MREG: variants seen among roughly 807,000 people sequenced by gnomAD.
MREG encodes the protein dilute suppressor protein homolog.
MREG carries 31 observed loss-of-function variants against 28.5 expected under a neutral mutation model. The observed-to-expected ratio is 1.09, with a 90% CI of 0.82 to 1.47. The LOEUF (loss-of-function observed/expected upper bound fraction) is 1.47, where lower values mean the gene tolerates loss of function less well. Ranked by LOEUF, MREG falls within the 40% of genes most tolerant of loss-of-function variation. The pLI, the probability that MREG is intolerant of heterozygous loss-of-function variation, is 0.00. For synonymous variants in MREG, 106 were observed against 95.2 expected (o/e 1.11, Z -0.66); for missense variants, 256 against 257.4 (o/e 0.99, Z 0.04).
Position 215,945,623 on chromosome 2 carries a change from G to C in MREG, c.458C>G (p.Thr153Ser), listed in dbSNP as rs1465931040. The change falls in exon 4 of 5, where the codon ACC becomes AGC. Residue 153 changes from threonine (T) to serine (S), a missense_variant. Thr to Ser is a moderately conservative substitution (Grantham distance 58). Coordinates refer to ENST00000263268, the MANE Select transcript of MREG (RefSeq NM_018000.3). ...REMLLKLAEETNIFPTSWELS... is the reference protein window; with the variant it reads ...REMLLKLAEESNIFPTSWELS... Reference sequence around the variant, plus strand: ...CTCCCAACTTGTTGGGAAAATATTGGTTTCTTCAGCCAGTTTTAACAACAT... The same window carrying C: ...CTCCCAACTTGTTGGGAAAATATTGCTTTCTTCAGCCAGTTTTAACAACAT... 1 of 1,613,824 alleles carries C rather than the reference G, an allele frequency of 6.2e-7. No individual in the cohort carries two copies. The highest frequency in any genetic ancestry group is 8.5e-7 in the Non-Finnish European group (1 of 1,179,862).
At chr2:216,030,927 TTCTCTC>T (rs113417580) in intron 1 of MREG, among the ~76,000 whole-genome samples, 8,656 of 130,426 alleles carry the variant, frequency 0.066, 352 homozygotes, top group South Asian at 0.16. Flanking sequence ...ATGAGGCCCA[TTCTCTC>T]TCTCTCTCTC....
intron 1 of MREG, among the ~76,000 whole-genome samples, chr2:216,004,565 A>AC (rs1491440175): frequency 8.2e-4 from 36 of 43,746 alleles, no homozygotes; most frequent in South Asian, 5.6e-3. Flanking sequence ...AAAAACAAAC[A>AC]AAAAAAAAAA....
intron 2 of MREG, among the ~76,000 whole-genome samples, chr2:215,992,466 T>C (rs1693742580): frequency 6.6e-6 from 1 of 152,188 alleles, no homozygotes; most frequent in South Asian, 2.1e-4. Context: ...TCACACTGAA[T>C]GGGCAAAAGC....
chr2:215,947,955 G>T (rs146726701), intron 2 of MREG, among the ~76,000 whole-genome samples: 1 of 152,168 alleles, frequency 6.6e-6, no homozygotes, highest in Non-Finnish European at 1.5e-5. Context: ...AAGGAGGCTT[G>T]TCACTATAGA....
At chr2:216,005,325 G>T (rs183839729) in intron 1 of MREG, among the ~76,000 whole-genome samples, 1 of 152,084 alleles carries the variant, frequency 6.6e-6, no homozygotes, top group East Asian at 1.9e-4. Flanking sequence ...ACATCTTTAA[G>T]GTGCACACAT....
At chr2:215,970,331 G>T (rs1693054775) in intron 2 of MREG, among the ~76,000 whole-genome samples, 1 of 152,156 alleles carries the variant, frequency 6.6e-6, no homozygotes, top group Admixed American at 6.5e-5. Flanking sequence ...CTTCATCTCA[G>T]ACTTCTTGCC....
At chr2:216,014,379 G>T (rs555512540), upstream of MREG, among the ~76,000 whole-genome samples, 1 of 152,132 alleles carries the variant, frequency 6.6e-6, no homozygotes, top group African/African-American at 2.4e-5. Context: ...GGCCGGGCGC[G>T]GTAGCTCAAG....
At chr2:216,030,952 TCTCTCACACACA>T (rs1229322917) in intron 1 of MREG, among the ~76,000 whole-genome samples, 3 of 106,984 alleles carry the variant, frequency 2.8e-5, no homozygotes, top group African/African-American at 1.2e-4. Context: ...TCTCTCTCTC[TCTCTCACACACA>T]CACACACACA....
chr2:215,978,822 A>G (rs1005307339), intron 2 of MREG, among the ~76,000 whole-genome samples: 24 of 152,250 alleles, frequency 1.6e-4, no homozygotes, highest in African/African-American at 5.8e-4. Context: ...GGCCTTTGAC[A>G]AAATTCAACA....
At chr2:216,031,461 A>AAG (rs1553558722) in intron 1 of MREG, among the ~76,000 whole-genome samples, 1 of 132,010 alleles carries the variant, frequency 7.6e-6, no homozygotes, top group African/African-American at 2.9e-5. Context: ...GAAAGAGAGA[A>AAG]AGAAAGAAAG....
At position 215,996,468 on chromosome 2, in the gene MREG, G is replaced by A; in HGVS notation, c.96-3C>T. Reference sequence around the variant, plus strand: ...ATGAGGAATATGGATTGTTATCACTGTTGTATAAAAAAAGGAAAGATTGGG... The same window carrying A: ...ATGAGGAATATGGATTGTTATCACTATTGTATAAAAAAAGGAAAGATTGGG... On this transcript the variant is annotated splice_region_variant and splice_polypyrimidine_tract_variant and intron_variant, in intron 1 of 4. Coordinates refer to ENST00000263268, the MANE Select transcript of MREG (RefSeq NM_018000.3). 1 of 1,600,848 alleles carries A rather than the reference G, an allele frequency of 6.2e-7. No individual in the cohort carries two copies. Among genetic ancestry groups the A allele is most frequent in the Non-Finnish European group, 8.5e-7 (1 of 1,175,180 alleles).
At chr2:215,945,832 G>T in intron 3 of MREG, 98 bp from the exon 4 acceptor site, 1 of 1,036,506 alleles carries the variant, frequency 9.6e-7, no homozygotes, top group Non-Finnish European at 1.4e-6. Flanking sequence ...GACCCATGTG[G>T]ATTCTGTACA....
upstream of MREG, among the ~76,000 whole-genome samples, chr2:216,015,147 G>T (rs1047509717): frequency 2.6e-5 from 4 of 151,870 alleles, no homozygotes. Context: ...GCGTCTGTGC[G>T]TGCGTACGTG....
intron 2 of MREG, among the ~76,000 whole-genome samples, chr2:215,982,317 G>A (rs1693448588): frequency 1.4e-5 from 2 of 141,462 alleles, no homozygotes; most frequent in Admixed American, 7.5e-5. Context: ...GCAAAATTCT[G>A]TCACAGCAAA....
intron 2 of MREG, among the ~76,000 whole-genome samples, chr2:215,992,635 C>T (rs1176350351): frequency 1.3e-5 from 2 of 152,200 alleles, no homozygotes; most frequent in East Asian, 3.8e-4. Context: ...TCTCTGTTTG[C>T]AGATGACATA....
intron 2 of MREG, among the ~76,000 whole-genome samples, chr2:215,966,463 C>T (rs1692942142): frequency 1.3e-5 from 2 of 152,168 alleles, no homozygotes; most frequent in African/African-American, 2.4e-5. Context: ...ATCTAGAGCA[C>T]ACTGTGTCCC....
intron 1 of MREG, among the ~76,000 whole-genome samples, chr2:216,009,145 A>G (rs1835146): frequency 7.4e-4 from 112 of 151,966 alleles, no homozygotes; most frequent in Middle Eastern, 3.4e-3. Flanking sequence ...ACCAATCAAT[A>G]CATAACTTTG....
chr2:215,949,065 ACTACTACTACTAC>A lies in MREG; in HGVS notation c.256-1965_256-1953del, dbSNP rs1246630414. Among the ~76,000 whole-genome samples the A allele has an allele frequency of 7.7e-3, 1,097 of 142,268 alleles. 13 individuals carry two copies. The highest frequency in any genetic ancestry group is 9.5e-3 in the Non-Finnish European group (625 of 65,802). 93.3% of individuals were successfully genotyped at this position (142,268 alleles called of 152,430 possible). On this transcript the variant is annotated intron_variant, in intron 2 of 4. Transcript: ENST00000263268. ...TACTACTACTACTACTACTACTACT[ACTACTACTACTAC>A]TACTACTACTAATAATAATAATAAT...
intron 1 of MREG, 67 bp downstream of exon 1, chr2:216,013,166 G>T: frequency 1.4e-6 from 2 of 1,398,980 alleles, no homozygotes; most frequent in Non-Finnish European, 2.0e-6. Flanking sequence ...GCACACAGGT[G>T]TCCACACTCT....
Sources: allele counts gnomAD v4.1 joint callset (sites outside exome capture counted in the v4.1 genomes callset), GRCh38; gene constraint gnomAD v4.1.1; transcripts MANE v1.5; gene names NCBI Gene and HGNC (gene_info 2026-07-23, HGNC 2026-07-21).